Variants in ZNF496 observed in about 807,000 individuals in gnomAD.
ZNF496 encodes zinc finger protein 496.
In ZNF496, 11 loss-of-function variants were observed where a neutral mutation model predicts 58.9. That is an observed-to-expected ratio of 0.19 (90% CI 0.12 to 0.31). ZNF496 has a LOEUF of 0.31. Ranked by LOEUF, ZNF496 falls within the 10% of genes least tolerant of loss-of-function variation. ZNF496 has a pLI of 1.00. For missense variants in ZNF496, 660 were observed against 783.0 expected (o/e 0.84, Z 1.88); for synonymous variants, 338 against 318.2 (o/e 1.06, Z -0.66).
chr1:247,317,898 C>T (rs1032146031), intron 6 of ZNF496, among the ~76,000 whole-genome samples: 2 of 152,224 alleles, frequency 1.3e-5, no homozygotes, highest in Non-Finnish European at 2.9e-5. Flanking sequence ...TGCCAACCCT[C>T]AGGTGACAGA....
At chr1:247,301,717 T>C (rs779700786) in intron 9 of ZNF496, among the ~76,000 whole-genome samples, 13 of 152,120 alleles carry the variant, frequency 8.5e-5, no homozygotes, top group Non-Finnish European at 1.6e-4. Context: ...AACCTACACA[T>C]ATCATGTGCT....
chr1:247,301,515 C>G (rs1438973680), intron 9 of ZNF496, among the ~76,000 whole-genome samples: 1 of 152,164 alleles, frequency 6.6e-6, no homozygotes, highest in Non-Finnish European at 1.5e-5. Flanking sequence ...CTCCCTCTTC[C>G]CAGCCATTTT....
chr1:247,327,523 A>C, intron 5 of ZNF496, among the ~76,000 whole-genome samples: 1 of 152,242 alleles, frequency 6.6e-6, no homozygotes, highest in East Asian at 1.9e-4. Flanking sequence ...TTTCTGTTAC[A>C]TAAGGCATCC....
chr1:247,314,927 T>A (rs1282930943), intron 6 of ZNF496, among the ~76,000 whole-genome samples: 1 of 151,994 alleles, frequency 6.6e-6, no homozygotes, highest in Admixed American at 6.6e-5. Context: ...TTTTTTGGTA[T>A]TTTTAGTAGA....
chr1:247,300,849 C>A lies in ZNF496; in HGVS notation c.1434G>T (p.Leu478=). The A allele has an allele frequency of 6.2e-7, 1 of 1,610,534 alleles. No individual in the cohort carries two copies. The change falls in exon 10 of 10, where the codon CTG becomes CTT. Residue 478 remains leucine, a synonymous_variant. Coordinates refer to ENST00000682384, the MANE Select transcript of ZNF496 (RefSeq NM_032752.3). This position sits in a 1 kb window ranked among gnomAD's most constrained non-coding sequence, Gnocchi z 5.7. ...GCAGGTGTATCCGCCGGTGGGAGAG[C>A]AGGTGGGAGTTCAGGCGGAAGCTCT... ...CGKSFRLNSH[L]LSHRRIHLQP... is the part of the protein sequence containing the mutation.
At chr1:247,304,524 A>C (rs936610667) in intron 9 of ZNF496, among the ~76,000 whole-genome samples, 1 of 152,102 alleles carries the variant, frequency 6.6e-6, no homozygotes, top group Non-Finnish European at 1.5e-5. Context: ...GGTGTGTGCC[A>C]CCACGTCTGG....
At chr1:247,307,476 T>G in intron 9 of ZNF496, 1 of 985,400 alleles carries the variant, frequency 1.0e-6, no homozygotes, top group Non-Finnish European at 1.2e-6. Context: ...AGATTCAAAG[T>G]GCACCACAAA....
Position 247,301,026 on chromosome 1 carries a change from G to A in ZNF496, c.1257C>T (p.Val419=). The stretch of plus-strand genomic sequence containing the variant: ...GGCTCCGCAGATGCCGGATGAAGTT[G>A]ACCCTCCAGCGGAAGATTTTCCCAC... ...PNCGKIFRWR[V]NFIRHLRSRR... Residue 419 remains valine, a synonymous_variant, in exon 10 of 10, where the codon GTC becomes GTT. Coordinates refer to ENST00000682384, the MANE Select transcript of ZNF496 (RefSeq NM_032752.3). The A allele has an allele frequency of 6.2e-7, 1 of 1,613,728 alleles. No individual in the cohort carries two copies. The highest frequency in any genetic ancestry group is 8.5e-7 in the Non-Finnish European group (1 of 1,180,044).
intron 6 of ZNF496, among the ~76,000 whole-genome samples, chr1:247,320,206 T>C (rs1039591659): frequency 2.6e-5 from 4 of 152,156 alleles, no homozygotes; most frequent in African/African-American, 9.7e-5. Context: ...CTTTATACAA[T>C]AATGACCCCA....
chr1:247,319,044 A>G (rs1398066011), intron 6 of ZNF496, among the ~76,000 whole-genome samples: 3 of 152,192 alleles, frequency 2.0e-5, no homozygotes, highest in Non-Finnish European at 4.4e-5. Flanking sequence ...CAGTGATGCA[A>G]TCACAGCTTA....
At chr1:247,312,809 T>G (rs1208945071) in intron 6 of ZNF496, 2 of 152,060 alleles carry the variant, frequency 1.3e-5, no homozygotes, top group East Asian at 1.9e-4. Flanking sequence ...TAGCCTGCAC[T>G]TCAAAACTCT....
In ZNF496 at chr1:247,329,260, G is replaced by C; in HGVS notation, c.319C>G (p.Pro107Ala). 6.2e-7 allele frequency: 1 copy of C among 1,613,552 alleles called. No individual in the cohort carries two copies. The highest frequency in any genetic ancestry group is 8.5e-7 in the Non-Finnish European group (1 of 1,180,014). ...GCCACAGCCTGCTCTCCGCTCTCAG[G>C]CTCCTGCGCCCGCACCCAGCTCTGG... is the stretch of plus-strand genomic sequence containing the variant. Reference protein sequence around the residue: ...EIQSWVRAQEPESGEQAVAAV... With the variant: ...EIQSWVRAQEAESGEQAVAAV... The change falls in exon 4 of 10, where the codon CCT becomes GCT. Residue 107 changes from proline (P) to alanine (A), a missense_variant. Transcript: ENST00000682384. The surrounding 1 kb of genome is among the most constrained non-coding windows in gnomAD (Gnocchi z 5.5).
In ZNF496 at chr1:247,324,150, G is replaced by A. The variant is rs538426738; in HGVS notation, c.575-920C>T. ...CTGTGGAACTCCATAAAAAAAGAAG[G>A]AAAATCCTGTCATTTTTGACGACAT... is the stretch of plus-strand genomic sequence containing the variant. On this transcript the variant is annotated intron_variant, in intron 5 of 9. Transcript: ENST00000682384. Among the ~76,000 whole-genome samples the A allele has an allele frequency of 2.6e-5, 4 of 151,594 alleles. No homozygotes were observed. The East Asian group carries it at 7.7e-4, about 29-fold the overall frequency.
At position 247,305,005 on chromosome 1, in the gene ZNF496, G is replaced by A. The variant is rs140054938; in HGVS notation, c.1006+3470C>T. ...GAAAGACATGAATTTTGAAGGTCCT[G>A]AGGGTGAGGTCTTACAGGGGATGAA... On this transcript the variant is annotated intron_variant, in intron 9 of 9. Transcript: ENST00000682384. 5.3e-5 allele frequency among the ~76,000 whole-genome samples: 8 copies of A among 152,324 alleles called. No individual in the cohort carries two copies. In the East Asian group the frequency reaches 1.5e-3, roughly 29 times the overall value.
At chr1:247,312,032 T>G (rs2103022408) in intron 6 of ZNF496, 1 of 152,330 alleles carries the variant, frequency 6.6e-6, no homozygotes, top group African/African-American at 2.4e-5. Context: ...CTAGCCTCAG[T>G]TTCAATGGCA....
rs183186190 is a variant in ZNF496, at chr1:247,324,317, G to A, written c.575-1087C>T. On this transcript the variant is annotated intron_variant, in intron 5 of 9. Transcript: ENST00000682384. ...TGCTGGTTACCAGAGGCTAGGGAAT[G>A]AGGGGACTGGGGAGACATTGGTCAA... Among the ~76,000 whole-genome samples the A allele has an allele frequency of 2.0e-5, 3 of 152,304 alleles. No homozygotes were observed. In the East Asian group the frequency reaches 5.8e-4, roughly 29 times the overall value.
intron 9 of ZNF496, chr1:247,307,882 C>A: frequency 2.0e-6 from 2 of 984,954 alleles, no homozygotes; most frequent in African/African-American, 1.7e-5. Flanking sequence ...TTTACCAAGA[C>A]GACTCAGAGT....
chr1:247,327,014 C>G (rs375047076), intron 5 of ZNF496, among the ~76,000 whole-genome samples: 1 of 152,094 alleles, frequency 6.6e-6, no homozygotes, highest in African/African-American at 2.4e-5. Flanking sequence ...TGGGTTTTTA[C>G]GGGTCCCAAA....
At chr1:247,301,297 G>A in intron 9 of ZNF496, 21 bp from the exon 10 acceptor site, 1 of 1,504,542 alleles carries the variant, frequency 6.6e-7, no homozygotes, top group Non-Finnish European at 8.8e-7. Flanking sequence ...GCAACATGCA[G>A]GTCAGCGACG....
Sources: gnomAD v4.1 joint callset for allele counts (sites outside exome capture counted in the v4.1 genomes callset) on GRCh38, gnomAD v4.1.1 for gene constraint, Gnocchi (gnomAD v3.1) non-coding constraint, MANE v1.5 for transcripts, NCBI Gene and HGNC (gene_info 2026-07-23, HGNC 2026-07-21) for gene names.